Variants in ZDHHC2 observed in about 807,000 individuals in gnomAD.
ZDHHC2 encodes palmitoyltransferase ZDHHC2.
A neutral mutation model predicts 55.6 loss-of-function variants in ZDHHC2; 51 were observed. The observed-to-expected ratio is 0.92, with a 90% CI of 0.73 to 1.16. The LOEUF (loss-of-function observed/expected upper bound fraction) is 1.16, where lower values mean the gene tolerates loss of function less well. Among genes scored for constraint, ZDHHC2 ranks in the 50% most tolerant of loss-of-function variants. The probability of loss-of-function intolerance (pLI) is 0.00; values close to 1 mark genes in which losing one functional copy is unlikely to be tolerated. For synonymous variants in ZDHHC2, 199 were observed against 152.9 expected (o/e 1.30, Z -2.22); for missense variants, 491 against 442.4 (o/e 1.11, Z -0.99).
rs1171396792 is a variant in ZDHHC2, at chr8:17,201,481, CTTTTTTTTTTTTTT to C, written c.476+3085_476+3098del. ...GGGGCAGCCTTTTCTCTCTCTCTCT[CTTTTTTTTTTTTTT>C]TTTTTTTTTTTTTTTTAGATGGAGT... is the stretch of plus-strand genomic sequence containing the variant. On this transcript the variant is annotated intron_variant, in intron 6 of 12. Coordinates refer to ENST00000262096, the MANE Select transcript of ZDHHC2 (RefSeq NM_016353.5). Among the ~76,000 whole-genome samples the C allele has an allele frequency of 4.1e-4, 10 of 24,336 alleles. No individual in the cohort carries two copies. In the East Asian group the frequency reaches 9.6e-3, roughly 23 times the overall value. The allele number at this position is 24,336 out of a possible 152,430, so 16.0% of individuals were successfully genotyped here.
intron 4 of ZDHHC2, among the ~76,000 whole-genome samples, chr8:17,197,303 G>A (rs925382293): frequency 6.6e-6 from 1 of 152,120 alleles, no homozygotes; most frequent in Non-Finnish European, 1.5e-5. Context: ...GGACATATTT[G>A]TACCCTTTGT....
Position 17,161,281 on chromosome 8 carries a change from T to G in ZDHHC2, c.130+4428T>G, listed in dbSNP as rs970900203. ...AGAAATGTTTTCTTGTTATTGATTT[T>G]AAACTGTTGCTTTATATTATTAATA... On this transcript the variant is annotated intron_variant, in intron 1 of 12. Transcript: ENST00000262096. 8.3e-4 allele frequency among the ~76,000 whole-genome samples: 126 copies of G among 152,238 alleles called. 1 individual carries two copies. Among genetic ancestry groups the G allele is most frequent in the Non-Finnish European group, 2.4e-4 (16 of 68,048 alleles).
intron 6 of ZDHHC2, among the ~76,000 whole-genome samples, chr8:17,199,559 G>T (rs556482657): frequency 1.8e-4 from 10 of 54,070 alleles, no homozygotes; most frequent in East Asian, 5.6e-4. Context: ...CTTCGTCTTC[G>T]TCTTCTTCGT....
At chr8:17,215,704 CTTAAA>C (rs1171516956) in intron 11 of ZDHHC2, among the ~76,000 whole-genome samples, 1 of 152,108 alleles carries the variant, frequency 6.6e-6, no homozygotes, top group African/African-American at 2.4e-5. Flanking sequence ...TGAAAAGGAC[CTTAAA>C]TTATTCAGTT....
At chr8:17,201,481 CTTTTTTTT>C (rs1171396792) in intron 6 of ZDHHC2, among the ~76,000 whole-genome samples, 6 of 24,310 alleles carry the variant, frequency 2.5e-4, no homozygotes, top group South Asian at 3.8e-3. Flanking sequence ...CTCTCTCTCT[CTTTTTTTT>C]TTTTTTTTTT....
chr8:17,177,813 T>A (rs901841398), intron 1 of ZDHHC2, among the ~76,000 whole-genome samples: 7 of 151,960 alleles, frequency 4.6e-5, no homozygotes, highest in African/African-American at 1.7e-4. Context: ...TTCTTCATTA[T>A]CAGATGTCTG....
rs150849925 is a variant in ZDHHC2 at position 17,173,253 on chromosome 8, T to A, written c.131-11536T>A. Reference sequence around the variant, plus strand: ...TTTTGGGGCCAAACAGGCCTATATGTAGATCCCATCATGACTTGGATGACG... The same window carrying A: ...TTTTGGGGCCAAACAGGCCTATATGAAGATCCCATCATGACTTGGATGACG... On this transcript the variant is annotated intron_variant, in intron 1 of 12. Transcript: ENST00000262096. Among the ~76,000 whole-genome samples, 7 of 152,340 alleles carry A rather than the reference T, an allele frequency of 4.6e-5. No individual in the cohort carries two copies. In the East Asian group the frequency reaches 1.4e-3, roughly 29 times the overall value.
At chr8:17,167,839 A>G (rs758571135) in intron 1 of ZDHHC2, among the ~76,000 whole-genome samples, 32 of 151,456 alleles carry the variant, frequency 2.1e-4, no homozygotes, top group Non-Finnish European at 3.1e-4. Flanking sequence ...TACTTATAAA[A>G]TAATCACAAA....
intron 3 of ZDHHC2, among the ~76,000 whole-genome samples, chr8:17,190,911 GC>G (rs1272375759): frequency 1.4e-5 from 2 of 146,090 alleles, no homozygotes; most frequent in African/African-American, 5.0e-5. Context: ...ATTGATTGTA[GC>G]CGCCCTATTG....
intron 6 of ZDHHC2, among the ~76,000 whole-genome samples, chr8:17,198,938 A>G (rs555759960): frequency 1.3e-5 from 2 of 152,356 alleles, no homozygotes; most frequent in South Asian, 4.1e-4. Flanking sequence ...TCACGAAATC[A>G]GGTAATTTAA....
chr8:17,186,364 C>A lies in ZDHHC2; in HGVS notation c.191C>A (p.Ala64Glu). The change falls in exon 3 of 13, where the codon GCA becomes GAA. Residue 64 changes from alanine to glutamate, a missense_variant. Transcript: ENST00000262096. The stretch of plus-strand genomic sequence containing the variant: ...CTGATGGCCTATCATCTACTTTTTG[C>A]AATGTTTGTCTGGTCATACTGGAAA... ...VCLMAYHLLF[A>E]MFVWSYWKTI... 1.3e-6 allele frequency: 2 copies of A among 1,592,726 alleles called. No individual in the cohort carries two copies. Among genetic ancestry groups the A allele is most frequent in the Non-Finnish European group, 8.5e-7 (1 of 1,172,564 alleles).
At chr8:17,194,302 T>C (rs977353790) in intron 3 of ZDHHC2, among the ~76,000 whole-genome samples, 8 of 149,042 alleles carry the variant, frequency 5.4e-5, no homozygotes, top group African/African-American at 2.0e-4. Flanking sequence ...TGTAAAATAT[T>C]TTATACATAT....
intron 6 of ZDHHC2, among the ~76,000 whole-genome samples, chr8:17,199,582 C>CTT: frequency 1.4e-5 from 1 of 69,044 alleles, no homozygotes; most frequent in East Asian, 2.7e-4. Context: ...TTGTCTTCTT[C>CTT]TTCTTCTTTC....
intron 1 of ZDHHC2, 90 bp downstream of exon 1, chr8:17,156,943 C>T: frequency 8.1e-7 from 1 of 1,238,486 alleles, no homozygotes; most frequent in South Asian, 1.7e-5. Flanking sequence ...GCTCTCGCCC[C>T]CCGGATGCGC....
At chr8:17,210,272 C>T (rs1312476377) in intron 9 of ZDHHC2, 116 bp from the exon 10 acceptor site, 1 of 1,128,726 alleles carries the variant, frequency 8.9e-7, no homozygotes, top group Non-Finnish European at 1.2e-6. Context: ...ATGTCTAATA[C>T]ACATTTTTTT....
chr8:17,177,193 C>T (rs1008360288), intron 1 of ZDHHC2, among the ~76,000 whole-genome samples: 4 of 152,194 alleles, frequency 2.6e-5, no homozygotes, highest in African/African-American at 9.6e-5. Flanking sequence ...AATTTGAGTA[C>T]AGAAAATTAG....
At chr8:17,199,580 T>G (rs887974869) in intron 6 of ZDHHC2, among the ~76,000 whole-genome samples, 54,079 of 110,394 alleles carry the variant, frequency 0.49, 15,597 homozygotes, top group Non-Finnish European at 0.66. Flanking sequence ...CTTTGTCTTC[T>G]TCTTCTTCTT....
intron 1 of ZDHHC2, among the ~76,000 whole-genome samples, chr8:17,159,169 T>C (rs1301226278): frequency 6.6e-6 from 1 of 152,178 alleles, no homozygotes; most frequent in African/African-American, 2.4e-5. Context: ...CCAGACTCCT[T>C]TCCTTTTCAC....
At chr8:17,162,381 A>G (rs892226708) in intron 1 of ZDHHC2, among the ~76,000 whole-genome samples, 2 of 152,208 alleles carry the variant, frequency 1.3e-5, no homozygotes, top group African/African-American at 4.8e-5. Context: ...ACTGAGGCTT[A>G]TTATGGAAAA....
Sources: allele counts gnomAD v4.1 joint callset (sites outside exome capture counted in the v4.1 genomes callset), GRCh38; gene constraint gnomAD v4.1.1; transcripts MANE v1.5; gene names NCBI Gene and HGNC (gene_info 2026-07-23, HGNC 2026-07-21).